PTPRN2: variants seen among roughly 807,000 people sequenced by gnomAD.
The protein encoded by PTPRN2 is protein tyrosine phosphatase receptor type N2.
Under a neutral mutation model 118.8 loss-of-function variants are expected in PTPRN2, and 74 were observed. The observed-to-expected ratio is 0.62, with a 90% CI of 0.52 to 0.76. The LOEUF is 0.76. Ranked by LOEUF, PTPRN2 falls within the 30% of genes least tolerant of loss-of-function variation. The pLI is 0.00. For missense variants in PTPRN2, 1,481 were observed against 1,394.4 expected, an observed-to-expected ratio of 1.06 and a Z score of -0.99; for synonymous variants, 641 against 608.0, an observed-to-expected ratio of 1.05 and a Z score of -0.80.
At chr7:157,788,379 A>C (rs1445761996) in intron 12 of PTPRN2, among the ~76,000 whole-genome samples, 1 of 151,270 alleles carries the variant, frequency 6.6e-6, no homozygotes, top group African/African-American at 2.4e-5. Context: ...CATCTCAAAA[A>C]AAAAAAAAAA....
intron 9 of PTPRN2, among the ~76,000 whole-genome samples, chr7:158,127,811 G>A (rs538669228): frequency 1.1e-4 from 16 of 152,284 alleles, no homozygotes; most frequent in South Asian, 2.1e-4. Context: ...CCTGGTGTCC[G>A]TCCTGTGATT....
chr7:158,307,172 G>A (rs1381622172), intron 3 of PTPRN2, among the ~76,000 whole-genome samples: 1 of 152,124 alleles, frequency 6.6e-6, no homozygotes, highest in African/African-American at 2.4e-5. Flanking sequence ...CAGACTAAAT[G>A]AGCTATTTTT....
chr7:158,284,478 T>A (rs1282249579), intron 3 of PTPRN2, among the ~76,000 whole-genome samples: 1 of 152,156 alleles, frequency 6.6e-6, no homozygotes, highest in Non-Finnish European at 1.5e-5. Context: ...AGAGATCCAC[T>A]CTGCAAACCC....
chr7:157,817,880 TTGTG>T (rs1300023257), intron 12 of PTPRN2, among the ~76,000 whole-genome samples: 1 of 151,084 alleles, frequency 6.6e-6, no homozygotes. Flanking sequence ...CACATGATGT[TTGTG>T]TGGTGTGTGT....
chr7:158,164,535 CGTAGGGAAG>C lies in PTPRN2; in HGVS notation c.910+2387_910+2395del. ...GGAGGGCTCAGAGCGGGAGCGCGCA[CGTAGGGAAG>C]GCGCGCACGTAGGGAAGGCACGCAG... On this transcript the variant is annotated intron_variant, in intron 6 of 22. Transcript: ENST00000389418. Among the ~76,000 whole-genome samples the C allele has an allele frequency of 1.3e-3, 4 of 3,004 alleles. 1 individual carries two copies. The African/African-American group carries it at 0.018, about 14-fold the overall frequency. The allele number at this position is 3,004 out of a possible 152,430, so 2.0% of individuals were successfully genotyped here.
chr7:158,312,218 TCA>T (rs531934449), intron 3 of PTPRN2, among the ~76,000 whole-genome samples: 1,715 of 12,346 alleles, frequency 0.14, 40 homozygotes, highest in African/African-American at 0.27. Context: ...ACACACGTGC[TCA>T]CAGACACCCA....
chr7:158,557,134 C>T (rs1313624418), intron 1 of PTPRN2, among the ~76,000 whole-genome samples: 3 of 127,798 alleles, frequency 2.3e-5, no homozygotes, highest in Non-Finnish European at 4.8e-5. Flanking sequence ...GCAGGGCAGG[C>T]GGCTCCCGGG....
intron 3 of PTPRN2, among the ~76,000 whole-genome samples, chr7:158,227,660 C>G (rs558405689): frequency 6.6e-6 from 1 of 152,186 alleles, no homozygotes. Context: ...ATGCTCTTTA[C>G]GGAAGATGAA....
chr7:158,368,933 G>T (rs954755577), intron 2 of PTPRN2, among the ~76,000 whole-genome samples: 1 of 152,198 alleles, frequency 6.6e-6, no homozygotes, highest in Non-Finnish European at 1.5e-5. Context: ...TTGATCCTGG[G>T]TGTGTCTGTG....
At chr7:157,646,296 G>A (rs987870190) in intron 14 of PTPRN2, among the ~76,000 whole-genome samples, 18 of 152,132 alleles carry the variant, frequency 1.2e-4, no homozygotes, top group African/African-American at 4.3e-4. Context: ...CTGTCCTCAG[G>A]ATAGTGAGCA....
Position 157,891,847 on chromosome 7 carries a change from T to G in PTPRN2, c.1788+6826A>C, listed in dbSNP as rs535064276. 7.5e-4 allele frequency among the ~76,000 whole-genome samples: 114 copies of G among 152,320 alleles called. 1 individual carries two copies. The South Asian group carries it at 0.022, about 29-fold the overall frequency. Reference sequence around the variant, plus strand: ...CCTTGAATAACCATCTGAAGACCTCTGACCTCATCCCACACTGGACAGAGA... The same window carrying G: ...CCTTGAATAACCATCTGAAGACCTCGGACCTCATCCCACACTGGACAGAGA... On this transcript the variant is annotated intron_variant, in intron 12 of 22. Transcript: ENST00000389418.
chr7:158,273,301 A>G (rs999481355), intron 3 of PTPRN2, among the ~76,000 whole-genome samples: 14 of 152,228 alleles, frequency 9.2e-5, no homozygotes, highest in Non-Finnish European at 1.9e-4. Context: ...CCGCAAGCCC[A>G]CACTGTGAGC....
chr7:158,438,039 C>T lies in PTPRN2; in HGVS notation c.163+51696G>A, dbSNP rs145469729. 1.5e-3 allele frequency among the ~76,000 whole-genome samples: 234 copies of T among 152,328 alleles called. No individual in the cohort carries two copies. The highest frequency in any genetic ancestry group is 6.8e-3 in the Middle Eastern group (2 of 294). On this transcript the variant is annotated intron_variant, in intron 2 of 22. Coordinates refer to ENST00000389418, the MANE Select transcript of PTPRN2 (RefSeq NM_002847.5). The surrounding 1 kb of genome is among the most constrained non-coding windows in gnomAD (Gnocchi z 4.7). ...AAATGCCCCCAGGAGACAGGCAGCC[C>T]GCAGGGAGTGGGCTCCCTAACAGTG... is the stretch of plus-strand genomic sequence containing the variant.
chr7:158,327,488 C>T (rs2151136283), intron 2 of PTPRN2, among the ~76,000 whole-genome samples: 1 of 151,760 alleles, frequency 6.6e-6, no homozygotes, highest in East Asian at 1.9e-4. Flanking sequence ...CATACATTCT[C>T]ACATGCACAA....
intron 11 of PTPRN2, among the ~76,000 whole-genome samples, chr7:157,940,825 CCA>C (rs1236310003): frequency 1.1e-5 from 1 of 92,260 alleles, no homozygotes; most frequent in Non-Finnish European, 1.9e-5. Context: ...AATGCCCTCC[CCA>C]CAGTGACACT....
chr7:158,303,168 C>CAAAAAAAAAA (rs542953447), intron 3 of PTPRN2, among the ~76,000 whole-genome samples: 23 of 119,842 alleles, frequency 1.9e-4, no homozygotes, highest in African/African-American at 6.6e-4. Flanking sequence ...ACTAACCCAC[C>CAAAAAAAAAA]AAAAAAAAAA....
chr7:158,476,448 G>A (rs1027595474), intron 2 of PTPRN2, among the ~76,000 whole-genome samples: 4 of 152,282 alleles, frequency 2.6e-5, no homozygotes, highest in African/African-American at 7.2e-5. Flanking sequence ...AGGGCCATCC[G>A]TTGCCAGCAC....
chr7:157,566,216 C>T (rs1201923725), intron 21 of PTPRN2, among the ~76,000 whole-genome samples: 3 of 152,212 alleles, frequency 2.0e-5, no homozygotes, highest in African/African-American at 4.8e-5. Flanking sequence ...CCCGACTGCC[C>T]GGGAAGCTTG....
At chr7:157,988,071 G>A (rs1803945698) in intron 11 of PTPRN2, among the ~76,000 whole-genome samples, 1 of 152,134 alleles carries the variant, frequency 6.6e-6, no homozygotes, top group South Asian at 2.1e-4. Context: ...TCCAAGCCAG[G>A]GTCAAAGCTG....
Sources: allele counts gnomAD v4.1 joint callset (sites outside exome capture counted in the v4.1 genomes callset), GRCh38; gene constraint gnomAD v4.1.1; non-coding constraint Gnocchi (gnomAD v3.1); transcripts MANE v1.5; gene names NCBI Gene and HGNC (gene_info 2026-07-23, HGNC 2026-07-21).